Variants in WWOX observed in about 807,000 individuals in gnomAD.
WWOX encodes the protein WW domain-containing oxidoreductase.
Under a neutral mutation model 46.2 loss-of-function variants are expected in WWOX, and 69 were observed. The observed-to-expected ratio is 1.49, with a 90% CI of 1.23 to 1.82. The LOEUF (loss-of-function observed/expected upper bound fraction) is 1.82. WWOX is among the 40% of genes most tolerant of loss of function. The pLI is 0.00. For missense variants in WWOX, 919 were observed against 542.6 expected (o/e 1.69, Z -6.89); for synonymous variants, 359 against 202.6 (o/e 1.77, Z -6.56).
intron 5 of WWOX, among the ~76,000 whole-genome samples, chr16:78,342,573 G>A (rs1461248054): frequency 8.3e-6 from 1 of 120,364 alleles, no homozygotes; most frequent in Non-Finnish European, 2.0e-5. Context: ...ATGGGTGTTG[G>A]GAGAGCACTA....
In WWOX at chr16:78,386,806, C is replaced by T. The variant is rs527454506; in HGVS notation, c.517-54C>T. 9.4e-6 allele frequency: 14 copies of T among 1,489,212 alleles called. No individual in the cohort carries two copies. The East Asian group carries it at 1.6e-4, about 17-fold the overall frequency. 92.2% of individuals were successfully genotyped at this position (1,489,212 alleles called of 1,614,324 possible). A position where few individuals can be genotyped will look rare whatever the true frequency, so the allele number is the denominator to read the frequency against. On this transcript the variant is annotated intron_variant, in intron 5 of 8. Coordinates refer to ENST00000566780, the MANE Select transcript of WWOX (RefSeq NM_016373.4). ...TAACACATTTACTGTAACTTGATAC[C>T]ATGAACTACACTTGCTGTTATTTAT...
intron 5 of WWOX, among the ~76,000 whole-genome samples, chr16:78,285,232 AGACTACCCT>A (rs1230170532): frequency 6.6e-6 from 1 of 152,080 alleles, no homozygotes; most frequent in Non-Finnish European, 1.5e-5. Context: ...CAGGAGTTCG[AGACTACCCT>A]GGGCAACACA....
At chr16:78,976,320 A>G (rs577996252) in intron 8 of WWOX, among the ~76,000 whole-genome samples, 1 of 152,220 alleles carries the variant, frequency 6.6e-6, no homozygotes, top group Non-Finnish European at 1.5e-5. Flanking sequence ...TTTTGAAATG[A>G]GAACCGATGA....
rs1195425772 is a variant in WWOX at position 78,391,723 on chromosome 16, C to G, written c.605+4775C>G. Among the ~76,000 whole-genome samples, 4 of 152,102 alleles carry G rather than the reference C, an allele frequency of 2.6e-5. No homozygotes were observed. In the East Asian group the frequency reaches 7.7e-4, roughly 29 times the overall value. The stretch of plus-strand genomic sequence containing the variant: ...ATTAGCCGGGCATGGTGATGCATAC[C>G]TGAAGTCCCAGCTACTCAGGAGGCT... On this transcript the variant is annotated intron_variant, in intron 6 of 8. Coordinates refer to ENST00000566780, the MANE Select transcript of WWOX (RefSeq NM_016373.4).
chr16:78,703,847 C>CAGAACATT (rs1243783709), intron 8 of WWOX, among the ~76,000 whole-genome samples: 1 of 152,064 alleles, frequency 6.6e-6, no homozygotes, highest in Non-Finnish European at 1.5e-5. Context: ...CTGGGTATGA[C>CAGAACATT]AGAACATTTT....
intron 8 of WWOX, among the ~76,000 whole-genome samples, chr16:78,780,866 G>T (rs1437032704): frequency 1.3e-5 from 2 of 152,204 alleles, no homozygotes; most frequent in Non-Finnish European, 2.9e-5. Flanking sequence ...AGGGCATTAA[G>T]CAGGGCAGTG....
chr16:78,977,063 C>T (rs182852012), intron 8 of WWOX, among the ~76,000 whole-genome samples: 10 of 152,316 alleles, frequency 6.6e-5, no homozygotes, highest in Non-Finnish European at 8.8e-5. Flanking sequence ...CTCACGCACA[C>T]GTCAACACAG....
At chr16:78,441,918 T>G (rs2083453092) in intron 8 of WWOX, among the ~76,000 whole-genome samples, 1 of 151,620 alleles carries the variant, frequency 6.6e-6, no homozygotes, top group Non-Finnish European at 1.5e-5. Flanking sequence ...TTCCCCAGCT[T>G]TACTGAGGTA....
intron 5 of WWOX, among the ~76,000 whole-genome samples, chr16:78,256,331 T>A (rs918406621): frequency 2.6e-5 from 4 of 151,960 alleles, no homozygotes; most frequent in Non-Finnish European, 5.9e-5. Flanking sequence ...CCCACAGCAC[T>A]GGTTTCTAAA....
intron 8 of WWOX, among the ~76,000 whole-genome samples, chr16:79,090,381 T>C (rs1438355705): frequency 6.6e-6 from 1 of 151,774 alleles, no homozygotes; most frequent in Non-Finnish European, 1.5e-5. Context: ...ATTTCATTCA[T>C]TCATCCGTTC....
chr16:78,409,627 C>T (rs1463495283), intron 6 of WWOX, among the ~76,000 whole-genome samples: 2 of 152,264 alleles, frequency 1.3e-5, no homozygotes, highest in South Asian at 2.1e-4. Context: ...TTACCACAAA[C>T]TTATGTGCTT....
intron 8 of WWOX, among the ~76,000 whole-genome samples, chr16:78,816,040 C>T (rs767314858): frequency 6.6e-6 from 1 of 152,182 alleles, no homozygotes; most frequent in Non-Finnish European, 1.5e-5. Context: ...ATAGCCAGAA[C>T]ATGGCAGAAA....
intron 4 of WWOX, among the ~76,000 whole-genome samples, chr16:78,118,743 A>G (rs1338299847): frequency 6.6e-6 from 1 of 152,172 alleles, no homozygotes; most frequent in African/African-American, 2.4e-5. Context: ...TGAAAGTGAT[A>G]TCACCCTAAC....
chr16:78,850,576 A>C (rs1393849084), intron 8 of WWOX, among the ~76,000 whole-genome samples: 1 of 152,046 alleles, frequency 6.6e-6, no homozygotes, highest in Non-Finnish European at 1.5e-5. Flanking sequence ...CCTCTCCCCC[A>C]TTGTTTACGA....
chr16:79,211,911 G>C lies in WWOX; in HGVS notation c.*115G>C, dbSNP rs777683054. On this transcript the variant is annotated 3_prime_UTR_variant, in exon 9 of 9. Coordinates refer to ENST00000566780, the MANE Select transcript of WWOX (RefSeq NM_016373.4). Reference sequence around the variant, plus strand: ...CCAACACAGATCCGCAAGAGTAAAGGAAATAAGAGCAGTCACAACAGAGTG... The same window carrying C: ...CCAACACAGATCCGCAAGAGTAAAGCAAATAAGAGCAGTCACAACAGAGTG... 4 of 1,549,514 alleles carry C rather than the reference G, an allele frequency of 2.6e-6. No homozygotes were observed. In the South Asian group the frequency reaches 3.5e-5, roughly 14 times the overall value.
chr16:78,503,210 C>T (rs1178095979), intron 8 of WWOX, among the ~76,000 whole-genome samples: 1 of 152,106 alleles, frequency 6.6e-6, no homozygotes, highest in Non-Finnish European at 1.5e-5. Flanking sequence ...ATCAGAGGTG[C>T]ATGCTGAGAG....
intron 8 of WWOX, among the ~76,000 whole-genome samples, chr16:78,630,521 T>C (rs2046403241): frequency 6.6e-6 from 1 of 152,188 alleles, no homozygotes; most frequent in South Asian, 2.1e-4. Flanking sequence ...ATTTCTCTGG[T>C]AGACAATACT....
At chr16:78,376,739 T>C (rs1272065909) in intron 5 of WWOX, among the ~76,000 whole-genome samples, 2 of 152,162 alleles carry the variant, frequency 1.3e-5, no homozygotes, top group Non-Finnish European at 2.9e-5. Context: ...TCTGTAGACA[T>C]TAGCAGATGT....
At chr16:78,340,752 G>C (rs1185363813) in intron 5 of WWOX, among the ~76,000 whole-genome samples, 1 of 118,054 alleles carries the variant, frequency 8.5e-6, no homozygotes, top group Non-Finnish European at 2.0e-5. Flanking sequence ...CTTGGGGAAG[G>C]TGTAGCTCTG....
Sources: allele counts gnomAD v4.1 joint callset (sites outside exome capture counted in the v4.1 genomes callset), GRCh38; gene constraint gnomAD v4.1.1; transcripts MANE v1.5; gene names NCBI Gene and HGNC (gene_info 2026-07-23, HGNC 2026-07-21).